Variants in TSNARE1 observed in about 807,000 individuals in gnomAD.
The protein encoded by TSNARE1 is t-SNARE domain-containing protein 1.
Under a neutral mutation model 62.0 loss-of-function variants are expected in TSNARE1, and 49 were observed. The ratio of observed to expected loss-of-function variants is 0.79; its 90% CI spans 0.63 to 1.00. The LOEUF is 1.00. Among genes scored for constraint, TSNARE1 ranks in the 50% least tolerant of loss-of-function variants. The pLI, the probability that TSNARE1 is intolerant of heterozygous loss-of-function variation, is 0.00. For missense variants in TSNARE1, 755 were observed against 700.1 expected (o/e 1.08, Z -0.88); for synonymous variants, 328 against 294.4 (o/e 1.11, Z -1.17).
chr8:142,384,368 T>G (rs542986354), intron 1 of TSNARE1, among the ~76,000 whole-genome samples: 2 of 152,098 alleles, frequency 1.3e-5, no homozygotes, highest in African/African-American at 4.8e-5. Context: ...TAAAACCCAA[T>G]AGCCAAAATA....
chr8:142,309,986 T>C (rs1827310457), intron 9 of TSNARE1, among the ~76,000 whole-genome samples: 1 of 152,162 alleles, frequency 6.6e-6, no homozygotes, highest in Non-Finnish European at 1.5e-5. Context: ...AAAAGTCTCC[T>C]CTAAGTTGTC....
chr8:142,276,137 C>A (rs975641990), intron 11 of TSNARE1: 2 of 985,314 alleles, frequency 2.0e-6, no homozygotes, highest in Admixed American at 6.1e-5. Context: ...CATCTGGGGG[C>A]TCCTGCCCTA....
At chr8:142,244,116 G>T (rs1001947882) in intron 12 of TSNARE1, among the ~76,000 whole-genome samples, 1 of 152,224 alleles carries the variant, frequency 6.6e-6, no homozygotes, top group African/African-American at 2.4e-5. Context: ...AACCCGGGAG[G>T]CGGAGCTTGC....
chr8:142,331,641 C>T lies in TSNARE1; in HGVS notation c.823+113G>A. ...AGTGGACCCACGAAACCCGGGACTG[C>T]ACCGCAGGATGGCCTGAGGGGGGAA... On this transcript the variant is annotated intron_variant, in intron 5 of 13. Coordinates refer to ENST00000524325, the MANE Select transcript of TSNARE1 (RefSeq NM_145003.5). 18 of 1,032,974 alleles carry T rather than the reference C, an allele frequency of 1.7e-5. No individual in the cohort carries two copies. The South Asian group carries it at 2.4e-4, about 14-fold the overall frequency. The allele number at this position is 1,032,974 out of a possible 1,614,324, so 64.0% of individuals were successfully genotyped here.
chr8:142,338,519 T>G (rs1435869754), intron 4 of TSNARE1, among the ~76,000 whole-genome samples: 1 of 150,974 alleles, frequency 6.6e-6, no homozygotes, highest in Non-Finnish European at 1.5e-5. Context: ...CCTCGACCAC[T>G]GGGCAAGCTG....
chr8:142,242,961 A>AAG (rs1252395300), intron 12 of TSNARE1, among the ~76,000 whole-genome samples: 1 of 149,570 alleles, frequency 6.7e-6, no homozygotes, highest in Non-Finnish European at 1.5e-5. Flanking sequence ...AAAAAAAAAA[A>AAG]AAAAAAAAAG....
At chr8:142,385,752 T>A (rs541480182) in intron 1 of TSNARE1, among the ~76,000 whole-genome samples, 1 of 152,214 alleles carries the variant, frequency 6.6e-6, no homozygotes, top group Non-Finnish European at 1.5e-5. Flanking sequence ...TACATTCATT[T>A]TGTAATTACT....
intron 11 of TSNARE1, chr8:142,277,674 C>A: frequency 1.0e-6 from 1 of 985,404 alleles, no homozygotes; most frequent in African/African-American, 1.7e-5. Flanking sequence ...CAGGGCAGGC[C>A]ACTCAAAGCA....
chr8:142,396,950 C>T (rs987686875), intron 1 of TSNARE1, among the ~76,000 whole-genome samples: 1 of 152,184 alleles, frequency 6.6e-6, no homozygotes, highest in Non-Finnish European at 1.5e-5. Flanking sequence ...ATGTGTGTAG[C>T]AGTGGCGAGG....
chr8:142,345,644 C>T (rs1044143942), intron 3 of TSNARE1, 99 bp downstream of exon 3: 78 of 1,383,844 alleles, frequency 5.6e-5, no homozygotes, highest in Non-Finnish European at 7.2e-5. Flanking sequence ...TCCCAGCCTC[C>T]TCCCTGCAGC....
chr8:142,385,673 G>A (rs191517866), intron 1 of TSNARE1, among the ~76,000 whole-genome samples: 1 of 152,330 alleles, frequency 6.6e-6, no homozygotes, highest in East Asian at 1.9e-4. Flanking sequence ...AGATTTAATA[G>A]TATAAAGGCA....
In TSNARE1 at chr8:142,270,507, T is replaced by C. The variant is rs947106968; in HGVS notation, c.1446+4274A>G. 2.7e-4 allele frequency: 248 copies of C among 918,132 alleles called. 1 individual carries two copies. The highest frequency in any genetic ancestry group is 2.9e-4 in the Non-Finnish European group (232 of 788,336). 56.9% of individuals were successfully genotyped at this position (918,132 alleles called of 1,614,324 possible). On this transcript the variant is annotated intron_variant, in intron 12 of 13. Coordinates refer to ENST00000524325, the MANE Select transcript of TSNARE1 (RefSeq NM_145003.5). ...ATATATATATATATATATATATTTA[T>C]GTATTTATAACAGAAAATTGGATAG...
chr8:142,289,452 T>C (rs1823379598), intron 10 of TSNARE1, among the ~76,000 whole-genome samples: 1 of 152,294 alleles, frequency 6.6e-6, no homozygotes, highest in East Asian at 1.9e-4. Flanking sequence ...CTATCCCTCC[T>C]GGCGACCGAG....
chr8:142,222,290 T>TCA lies in TSNARE1; in HGVS notation c.*11+7182_*11+7183insTG, dbSNP rs200267574. Among the ~76,000 whole-genome samples, 42 of 17,154 alleles carry TCA rather than the reference T, an allele frequency of 2.4e-3. 18 individuals carry two copies. Among genetic ancestry groups the TCA allele is most frequent in the Non-Finnish European group, 3.6e-3 (23 of 6,312 alleles). 11.3% of individuals were successfully genotyped at this position (17,154 alleles called of 152,430 possible). The stretch of plus-strand genomic sequence containing the variant: ...CTCACTCACTCATCCACTCATTCAC[T>TCA]CTCACTCATTCACTCACTCACTCAT... On this transcript the variant is annotated intron_variant, in intron 13 of 13. Coordinates refer to ENST00000524325, the MANE Select transcript of TSNARE1 (RefSeq NM_145003.5).
chr8:142,376,480 C>T (rs149542006), intron 1 of TSNARE1, among the ~76,000 whole-genome samples: 2 of 152,330 alleles, frequency 1.3e-5, no homozygotes, highest in Non-Finnish European at 2.9e-5. Context: ...CCTGAGAGAG[C>T]TCCGGCCGTC....
intron 12 of TSNARE1, among the ~76,000 whole-genome samples, chr8:142,239,373 C>T (rs185989453): frequency 2.6e-4 from 39 of 152,286 alleles, no homozygotes; most frequent in African/African-American, 8.9e-4. Context: ...TAAAAATAAC[C>T]GGTAACAATA....
At chr8:142,222,472 CCACT>C (rs1431020049) in intron 13 of TSNARE1, among the ~76,000 whole-genome samples, 1 of 34,102 alleles carries the variant, frequency 2.9e-5, no homozygotes, top group Non-Finnish European at 6.1e-5. Context: ...ATCCACTCAT[CCACT>C]CACTCACTCA....
chr8:142,365,602 G>GCGCGCACA (rs149020570), intron 1 of TSNARE1, among the ~76,000 whole-genome samples: 28 of 144,508 alleles, frequency 1.9e-4, no homozygotes, highest in Admixed American at 6.2e-4. Flanking sequence ...ACATGCACAC[G>GCGCGCACA]CACACACACA....
At chr8:142,292,941 G>T (rs1824047360) in intron 10 of TSNARE1, among the ~76,000 whole-genome samples, 1 of 152,112 alleles carries the variant, frequency 6.6e-6, no homozygotes, top group South Asian at 2.1e-4. Flanking sequence ...GGGGTGGCAA[G>T]CTCCACCTCC....
Sources: allele counts gnomAD v4.1 joint callset (sites outside exome capture counted in the v4.1 genomes callset), GRCh38; gene constraint gnomAD v4.1.1; transcripts MANE v1.5; gene names NCBI Gene and HGNC (gene_info 2026-07-23, HGNC 2026-07-21).